PPP1R16B: variants seen among roughly 807,000 people sequenced by gnomAD.
PPP1R16B encodes protein phosphatase 1 regulatory inhibitor subunit 16B.
In PPP1R16B, 14 loss-of-function variants were observed where a neutral mutation model predicts 61.7. That is an observed-to-expected ratio of 0.23 (90% confidence interval 0.15 to 0.35). The LOEUF (loss-of-function observed/expected upper bound fraction) is 0.35, where lower values mean the gene tolerates loss of function less well. Among genes scored for constraint, PPP1R16B ranks in the 10% least tolerant of loss-of-function variants. PPP1R16B has a pLI of 1.00. For synonymous variants in PPP1R16B, 266 were observed against 305.3 expected, an observed-to-expected ratio of 0.87 and a Z score of 1.34; for missense variants, 547 against 752.5, an observed-to-expected ratio of 0.73 and a Z score of 3.19.
chr20:38,877,693 T>C (rs2085177382), intron 2 of PPP1R16B, among the ~76,000 whole-genome samples: 1 of 152,140 alleles, frequency 6.6e-6, no homozygotes, highest in Non-Finnish European at 1.5e-5. Context: ...AATGACTTCA[T>C]TCTCCCCTCC....
intron 4 of PPP1R16B, among the ~76,000 whole-genome samples, chr20:38,899,044 G>T (rs2085371717): frequency 6.6e-6 from 1 of 152,182 alleles, no homozygotes; most frequent in Non-Finnish European, 1.5e-5. Flanking sequence ...TGAGGGCAAG[G>T]AGTCAGAGAG....
chr20:38,855,975 G>GAA (rs2085005193), intron 2 of PPP1R16B, among the ~76,000 whole-genome samples: 1 of 121,608 alleles, frequency 8.2e-6, no homozygotes, highest in Non-Finnish European at 1.7e-5. Context: ...GAGAGAGAGA[G>GAA]AGAGAGAAGG....
rs1257564678 is a variant in PPP1R16B, at chr20:38,889,666, G to C, written c.321+1G>C. 1 of 1,585,352 alleles carries C rather than the reference G, an allele frequency of 6.3e-7. No individual in the cohort carries two copies. The highest frequency in any genetic ancestry group is 8.7e-7 in the Non-Finnish European group (1 of 1,153,912). On this transcript the variant is annotated splice_donor_variant, in intron 3 of 10. Coordinates refer to ENST00000299824, the MANE Select transcript of PPP1R16B (RefSeq NM_015568.4). LOFTEE classifies it high-confidence loss of function. ...GGACGGACTCACAGCCCTACACCAG[G>C]TAAGGCCGGGCTCGTTGGGGCTCCA...
chr20:38,889,680 G>T lies in PPP1R16B; in HGVS notation c.321+15G>T, dbSNP rs373616223. 6.4e-7 allele frequency: 1 copy of T among 1,565,194 alleles called. No homozygotes were observed. The highest frequency in any genetic ancestry group is 1.1e-5 in the South Asian group (1 of 90,090). ...CCCTACACCAGGTAAGGCCGGGCTCGTTGGGGCTCCAGGGCTCCCTGCCCC... is the reference window on the plus strand; with the variant it reads ...CCCTACACCAGGTAAGGCCGGGCTCTTTGGGGCTCCAGGGCTCCCTGCCCC... On this transcript the variant is annotated intron_variant, in intron 3 of 10. Transcript: ENST00000299824.
chr20:38,903,615 A>T (rs1418788076), intron 6 of PPP1R16B, among the ~76,000 whole-genome samples: 1 of 150,984 alleles, frequency 6.6e-6, no homozygotes, highest in African/African-American at 2.4e-5. Context: ...CCATCCATCC[A>T]TCATTCCATC....
At chr20:38,844,117 C>CT (rs1006253343) in intron 2 of PPP1R16B, among the ~76,000 whole-genome samples, 4 of 151,818 alleles carry the variant, frequency 2.6e-5, no homozygotes, top group African/African-American at 4.8e-5. Context: ...CCCATGTGTA[C>CT]TTTTTTTTAA....
chr20:38,899,905 T>A (rs866337189), intron 4 of PPP1R16B, among the ~76,000 whole-genome samples: 1 of 152,128 alleles, frequency 6.6e-6, no homozygotes, highest in Middle Eastern at 3.4e-3. Flanking sequence ...CAAGCAATTC[T>A]CATGCCTCAG....
Position 38,922,626 on chromosome 20 carries a change from C to G in PPP1R16B, c.*3960C>G, listed in dbSNP as rs2085608838. 1 of 152,592 alleles carries G rather than the reference C, an allele frequency of 6.6e-6. No homozygotes were observed. The highest frequency in any genetic ancestry group is 6.5e-5 in the Admixed American group (1 of 15,286). The allele number at this position is 152,592 out of a possible 1,614,324, so 9.5% of individuals were successfully genotyped here. A position where few individuals can be genotyped will look rare whatever the true frequency, so the allele number is the denominator to read the frequency against. Reference sequence around the variant, plus strand: ...ACCGTGCGGGGCCTGGCTCTGCACACCCAGGAAAAGTCTGCAGACCCCCAG... The same window carrying G: ...ACCGTGCGGGGCCTGGCTCTGCACAGCCAGGAAAAGTCTGCAGACCCCCAG... On this transcript the variant is annotated 3_prime_UTR_variant, in exon 11 of 11. Transcript: ENST00000299824.
chr20:38,885,854 C>A (rs2085241002), intron 2 of PPP1R16B, among the ~76,000 whole-genome samples: 1 of 152,228 alleles, frequency 6.6e-6, no homozygotes, highest in African/African-American at 2.4e-5. Flanking sequence ...CGGCTCACTG[C>A]AACCTCTGCC....
chr20:38,810,962 C>A (rs1039131272), intron 1 of PPP1R16B, among the ~76,000 whole-genome samples: 1 of 152,118 alleles, frequency 6.6e-6, no homozygotes, highest in Non-Finnish European at 1.5e-5. Flanking sequence ...GCTTTGTGTA[C>A]CTTTGGGCGC....
chr20:38,887,244 T>C (rs945580141), intron 2 of PPP1R16B, among the ~76,000 whole-genome samples: 1 of 152,108 alleles, frequency 6.6e-6, no homozygotes, highest in Non-Finnish European at 1.5e-5. Flanking sequence ...TTGTGGAAAG[T>C]GTTTGGAGTT....
In PPP1R16B at chr20:38,879,026, G is replaced by A. The variant is rs113023262; in HGVS notation, c.251-10569G>A. ...CCGGACGGCCAGTGCGTGTTTAGGCGGGCCAGGCTCTGCGGAGCGGAAGGG... is the reference window on the plus strand; with the variant it reads ...CCGGACGGCCAGTGCGTGTTTAGGCAGGCCAGGCTCTGCGGAGCGGAAGGG... On this transcript the variant is annotated intron_variant, in intron 2 of 10. Coordinates refer to ENST00000299824, the MANE Select transcript of PPP1R16B (RefSeq NM_015568.4). Among the ~76,000 whole-genome samples the A allele has an allele frequency of 3.3e-4, 50 of 152,262 alleles. 1 individual carries two copies. Among genetic ancestry groups the A allele is most frequent in the African/African-American group, 1.1e-3 (44 of 41,546 alleles).
At chr20:38,844,062 C>T (rs1404690992) in intron 2 of PPP1R16B, among the ~76,000 whole-genome samples, 1 of 152,174 alleles carries the variant, frequency 6.6e-6, no homozygotes, top group African/African-American at 2.4e-5. Context: ...TATCAATTTA[C>T]ATCAAAATCC....
At chr20:38,838,958 C>T (rs1392214417) in intron 2 of PPP1R16B, among the ~76,000 whole-genome samples, 11 of 152,236 alleles carry the variant, frequency 7.2e-5, no homozygotes, top group Non-Finnish European at 1.0e-4. Flanking sequence ...GACGAAGTCT[C>T]GCTCTGTCGC....
At chr20:38,868,289 C>T (rs777970533) in intron 2 of PPP1R16B, among the ~76,000 whole-genome samples, 34 of 152,254 alleles carry the variant, frequency 2.2e-4, no homozygotes, top group Non-Finnish European at 4.7e-4. Context: ...GAGCTAAGCT[C>T]ATGCCTTTTT....
chr20:38,807,467 G>A (rs2145699070), intron 1 of PPP1R16B, among the ~76,000 whole-genome samples: 1 of 152,274 alleles, frequency 6.6e-6, no homozygotes, highest in South Asian at 2.1e-4. Context: ...GTGCAGAAGT[G>A]GAGCCCTGGT....
chr20:38,819,164 A>T (rs1330780004), intron 1 of PPP1R16B, among the ~76,000 whole-genome samples: 1 of 152,176 alleles, frequency 6.6e-6, no homozygotes, highest in African/African-American at 2.4e-5. Context: ...TCCCACCCCT[A>T]TTGCTTACTG....
intron 2 of PPP1R16B, among the ~76,000 whole-genome samples, chr20:38,849,678 A>G (rs1352536703): frequency 1.5e-5 from 1 of 67,642 alleles, no homozygotes; most frequent in Non-Finnish European, 2.7e-5. Flanking sequence ...AACAACAACA[A>G]CAACAACAAA....
intron 2 of PPP1R16B, among the ~76,000 whole-genome samples, chr20:38,889,334 C>CA (rs2085272907): frequency 1.3e-5 from 2 of 152,232 alleles, no homozygotes; most frequent in Non-Finnish European, 2.9e-5. Flanking sequence ...CTCTGGACAA[C>CA]AAATATAACT....
Sources: gnomAD v4.1 joint callset for allele counts (sites outside exome capture counted in the v4.1 genomes callset) on GRCh38, gnomAD v4.1.1 for gene constraint, MANE v1.5 for transcripts, NCBI Gene and HGNC (gene_info 2026-07-23, HGNC 2026-07-21) for gene names.